The following GUCY1A1 variants were observed in gnomAD, a reference collection of about 807,000 sequenced individuals.
GUCY1A1 encodes guanylate cyclase soluble subunit alpha-1.
In GUCY1A1, 48 loss-of-function variants were observed where a neutral mutation model predicts 64.5. That is an observed-to-expected ratio of 0.74 (90% CI 0.59 to 0.95). GUCY1A1 has a LOEUF of 0.95. GUCY1A1 is among the 40% of genes least tolerant of loss of function. The pLI, the probability that GUCY1A1 is intolerant of heterozygous loss-of-function variation, is 0.00. For synonymous variants in GUCY1A1, 308 were observed against 303.4 expected, an observed-to-expected ratio of 1.02 and a Z score of -0.16; for missense variants, 804 against 825.3, an observed-to-expected ratio of 0.97 and a Z score of 0.32.
intron 2 of GUCY1A1, among the ~76,000 whole-genome samples, chr4:155,689,803 G>A (rs1243844527): frequency 6.6e-6 from 1 of 152,168 alleles, no homozygotes; most frequent in African/African-American, 2.4e-5. Flanking sequence ...GGGGGCAGGG[G>A]CACTCCAATA....
At chr4:155,672,292 C>A (rs1399259072) in intron 2 of GUCY1A1, among the ~76,000 whole-genome samples, 1 of 152,132 alleles carries the variant, frequency 6.6e-6, no homozygotes, top group Non-Finnish European at 1.5e-5. Flanking sequence ...TAATTAACAT[C>A]TTCATCCAAG....
At chr4:155,671,213 G>C (rs1037124411) in intron 2 of GUCY1A1, among the ~76,000 whole-genome samples, 1 of 152,150 alleles carries the variant, frequency 6.6e-6, no homozygotes, top group Non-Finnish European at 1.5e-5. Context: ...CCGTCATATA[G>C]TTTGTGGCCT....
At chr4:155,693,080 A>T (rs995117688) in intron 2 of GUCY1A1, among the ~76,000 whole-genome samples, 1 of 151,934 alleles carries the variant, frequency 6.6e-6, no homozygotes, top group African/African-American at 2.4e-5. Flanking sequence ...AAAAAAGTTC[A>T]TGCTTCATTA....
chr4:155,668,726 G>A (rs758557625), intron 2 of GUCY1A1, among the ~76,000 whole-genome samples: 2 of 152,012 alleles, frequency 1.3e-5, no homozygotes, highest in Non-Finnish European at 2.9e-5. Context: ...TATGTACAGT[G>A]GTAAAAAGTA....
chr4:155,674,808 C>T (rs1994137), intron 2 of GUCY1A1, among the ~76,000 whole-genome samples: 14,582 of 151,458 alleles, frequency 0.096, 1,149 homozygotes, highest in South Asian at 0.22. Flanking sequence ...AAAACTAGTA[C>T]CCTCTAAAAT....
intron 8 of GUCY1A1, among the ~76,000 whole-genome samples, chr4:155,717,556 G>A (rs1284333711): frequency 6.6e-6 from 1 of 152,142 alleles, no homozygotes; most frequent in Non-Finnish European, 1.5e-5. Flanking sequence ...GTTTCCCATA[G>A]TATAGGGATT....
At position 155,732,929 on chromosome 4, in the gene GUCY1A1, T is replaced by C. The variant is rs1385690128; in HGVS notation, c.*2698T>C. On this transcript the variant is annotated 3_prime_UTR_variant, in exon 10 of 10. Transcript: ENST00000506455. ...CATATTTCTCAGGCAAGCACAGAGT[T>C]ATACTGAACTTTTCTAAAGATGCTT... is the stretch of plus-strand genomic sequence containing the variant. Among the ~76,000 whole-genome samples, 1 of 151,910 alleles carries C rather than the reference T, an allele frequency of 6.6e-6. No homozygotes were observed. The highest frequency in any genetic ancestry group is 1.5e-5 in the Non-Finnish European group (1 of 67,882).
At position 155,724,383 on chromosome 4, in the gene GUCY1A1, C is replaced by T. The variant is rs548431273; in HGVS notation, c.1871+2191C>T. Among the ~76,000 whole-genome samples, 3 of 152,188 alleles carry T rather than the reference C, an allele frequency of 2.0e-5. No homozygotes were observed. In the South Asian group the frequency reaches 6.2e-4, roughly 32 times the overall value. ...TTTCAATTTCTGCTCTGTTTTATAG[C>T]AAAACTGAAAGAAGTTGTCTATACT... On this transcript the variant is annotated intron_variant, in intron 9 of 9. Transcript: ENST00000506455.
chr4:155,697,223 G>A lies in GUCY1A1; in HGVS notation c.255+101G>A, dbSNP rs1466151582. ...AAACACTTCCTTTCTCACTTTCAAG[G>A]CTACAATAAATGTAGAATATTTTCT... On this transcript the variant is annotated intron_variant, in intron 3 of 9. Transcript: ENST00000506455. 16 of 828,204 alleles carry A rather than the reference G, an allele frequency of 1.9e-5. No homozygotes were observed. In the South Asian group the frequency reaches 2.4e-4, roughly 12 times the overall value. The allele number at this position is 828,204 out of a possible 1,614,324, so 51.3% of individuals were successfully genotyped here.
At chr4:155,710,158 T>A (rs187058726) in intron 5 of GUCY1A1, among the ~76,000 whole-genome samples, 1 of 152,314 alleles carries the variant, frequency 6.6e-6, no homozygotes, top group Admixed American at 6.5e-5. Context: ...GAAACCCTCA[T>A]AGAGGAAGAT....
intron 4 of GUCY1A1, among the ~76,000 whole-genome samples, chr4:155,707,546 T>A (rs1731940581): frequency 6.6e-6 from 1 of 151,686 alleles, no homozygotes; most frequent in Non-Finnish European, 1.5e-5. Flanking sequence ...AAATCAAAAT[T>A]CAAACTTTGA....
intron 2 of GUCY1A1, among the ~76,000 whole-genome samples, chr4:155,669,445 A>T (rs1560903898): frequency 1.3e-5 from 2 of 151,980 alleles, no homozygotes; most frequent in Non-Finnish European, 2.9e-5. Flanking sequence ...CATGATTAAA[A>T]TCGTTTTCTG....
At chr4:155,699,517 G>T (rs2126762696) in intron 3 of GUCY1A1, among the ~76,000 whole-genome samples, 1 of 152,244 alleles carries the variant, frequency 6.6e-6, no homozygotes, top group Non-Finnish European at 1.5e-5. Flanking sequence ...GTAACAGAGA[G>T]GGCAAGACTA....
At position 155,677,197 on chromosome 4, in the gene GUCY1A1, A is replaced by G. The variant is rs536624811; in HGVS notation, c.-113+9778A>G. Among the ~76,000 whole-genome samples the G allele has an allele frequency of 5.3e-5, 8 of 152,342 alleles. No homozygotes were observed. The South Asian group carries it at 1.7e-3, about 32-fold the overall frequency. On this transcript the variant is annotated intron_variant, in intron 2 of 9. Transcript: ENST00000506455. ...AATGAGTGAGTGAATAAATAATCAGATTAGTTGATGAAAGATTCTAAGGGA... is the reference window on the plus strand; with the variant it reads ...AATGAGTGAGTGAATAAATAATCAGGTTAGTTGATGAAAGATTCTAAGGGA...
chr4:155,708,649 T>C (rs1279623847), intron 5 of GUCY1A1, among the ~76,000 whole-genome samples: 2 of 152,120 alleles, frequency 1.3e-5, no homozygotes, highest in Non-Finnish European at 2.9e-5. Flanking sequence ...GGAGCAGTCA[T>C]GGGAAAAAAG....
chr4:155,694,177 T>C (rs1307626309), intron 2 of GUCY1A1, among the ~76,000 whole-genome samples: 1 of 152,206 alleles, frequency 6.6e-6, no homozygotes, highest in Non-Finnish European at 1.5e-5. Context: ...AAAATAGTGG[T>C]ACTATTATTT....
chr4:155,728,247 G>T (rs1735014031), intron 9 of GUCY1A1, among the ~76,000 whole-genome samples: 1 of 151,884 alleles, frequency 6.6e-6, no homozygotes, highest in Admixed American at 6.6e-5. Context: ...ATGAGGTAGA[G>T]AATCCATGAT....
Position 155,733,324 on chromosome 4 carries a change from C to A in GUCY1A1, c.*3093C>A, listed in dbSNP as rs1013012072. 2.0e-5 allele frequency among the ~76,000 whole-genome samples: 3 copies of A among 151,568 alleles called. No homozygotes were observed. Among genetic ancestry groups the A allele is most frequent in the African/African-American group, 7.3e-5 (3 of 41,320 alleles). On this transcript the variant is annotated 3_prime_UTR_variant, in exon 10 of 10. Transcript: ENST00000506455. ...TTCATCAAGCAGAGAAGGGGAAGGA[C>A]ATGGTCCAGGAAAATAAATCAGCAC...
Position 155,711,317 on chromosome 4 carries a change from G to C in GUCY1A1, c.1086+66G>C, listed in dbSNP as rs1317884603. The stretch of plus-strand genomic sequence containing the variant: ...TCATATTTAAGAGCAAGAAACAAAA[G>C]GGTAAAAATATATGCATCACTTCAA... On this transcript the variant is annotated intron_variant, in intron 6 of 9. Transcript: ENST00000506455. 5.8e-5 allele frequency: 47 copies of C among 814,570 alleles called. No individual in the cohort carries two copies. In the East Asian group the frequency reaches 1.1e-3, roughly 20 times the overall value. The allele number at this position is 814,570 out of a possible 1,614,324, so 50.5% of individuals were successfully genotyped here.
Sources: gnomAD v4.1 joint callset for allele counts (sites outside exome capture counted in the v4.1 genomes callset) on GRCh38, gnomAD v4.1.1 for gene constraint, MANE v1.5 for transcripts, NCBI Gene and HGNC (gene_info 2026-07-23, HGNC 2026-07-21) for gene names.